DCAF4: variants seen among roughly 807,000 people sequenced by gnomAD.
DCAF4 encodes the protein DDB1 and CUL4 associated factor 4, also known as DDB1- and CUL4-associated factor 4.
DCAF4 carries 37 observed loss-of-function variants against 60.9 expected under a neutral mutation model. The observed-to-expected ratio is 0.61, with a 90% confidence interval of 0.47 to 0.80. The LOEUF (loss-of-function observed/expected upper bound fraction) is 0.80, where lower values mean the gene tolerates loss of function less well. DCAF4 is among the 30% of genes least tolerant of loss of function. The probability of loss-of-function intolerance (pLI) is 0.00; values close to 1 mark genes in which losing one functional copy is unlikely to be tolerated. For synonymous variants in DCAF4, 243 were observed against 254.8 expected (o/e 0.95, Z 0.44); for missense variants, 577 against 650.0 (o/e 0.89, Z 1.22).
Position 72,943,030 on chromosome 14 carries a change from G to A in DCAF4, c.468G>A (p.Arg156=), listed in dbSNP as rs1461335618. 6.2e-7 allele frequency: 1 copy of A among 1,614,150 alleles called. No individual in the cohort carries two copies. The highest frequency in any genetic ancestry group is 8.5e-7 in the Non-Finnish European group (1 of 1,180,018). ...AHELRLSCME[R]KKVQIRSMDP... is the part of the protein sequence containing the mutation. ...AGCTGCGTCTCAGCTGCATGGAGAG[G>A]AAAAAGGTCCAGATTCGAAGCATGG... The change falls in exon 6 of 14, where the codon AGG becomes AGA. Residue 156 remains arginine, a synonymous_variant. Coordinates refer to ENST00000358377, the MANE Select transcript of DCAF4 (RefSeq NM_015604.4).
rs1384901069 is a variant in DCAF4, at chr14:72,951,841, C to G, written c.772C>G (p.Leu258Val). Reference sequence around the variant, plus strand: ...CGCAGAGACTCCAGGCTGTGCCACCCTGCTCCCAGCATCACTGTTCGTCAA... The same window carrying G: ...CGCAGAGACTCCAGGCTGTGCCACCGTGCTCCCAGCATCACTGTTCGTCAA... ...GLAETPGCAT[L>V]LPASLFVNSH... Residue 258 changes from leucine to valine, a missense_variant, in exon 9 of 14, where the codon CTG (leucine) becomes GTG (valine). By Grantham distance (32) the Leu-to-Val change is conservative. Coordinates refer to ENST00000358377, the MANE Select transcript of DCAF4 (RefSeq NM_015604.4). 2 of 1,614,152 alleles carry G rather than the reference C, an allele frequency of 1.2e-6. No homozygotes were observed. The highest frequency in any genetic ancestry group is 1.1e-5 in the South Asian group (1 of 91,078).
intron 4 of DCAF4, 94 bp from the exon 5 acceptor site, chr14:72,941,651 C>A: frequency 5.0e-6 from 6 of 1,209,288 alleles, no homozygotes; most frequent in Non-Finnish European, 7.1e-6. Flanking sequence ...GTGCCTGTTT[C>A]CTTCATTACA....
At chr14:72,941,115 C>A (rs1889989007) in intron 4 of DCAF4, among the ~76,000 whole-genome samples, 2 of 152,078 alleles carry the variant, frequency 1.3e-5, no homozygotes, top group South Asian at 4.1e-4. Context: ...AGGAACCTGC[C>A]ACCATGCCCA....
At chr14:72,950,808 ATG>A (rs1180929313) in intron 8 of DCAF4, among the ~76,000 whole-genome samples, 3 of 66,622 alleles carry the variant, frequency 4.5e-5, no homozygotes, top group East Asian at 6.4e-4. Flanking sequence ...CCATTTCTGT[ATG>A]TTTTTTTTTA....
At chr14:72,927,142 A>G (rs1480531357) in intron 1 of DCAF4, among the ~76,000 whole-genome samples, 4 of 152,196 alleles carry the variant, frequency 2.6e-5, no homozygotes, top group Non-Finnish European at 5.9e-5. Context: ...AGTTAGCGAG[A>G]AAGCCACGCC....
chr14:72,950,595 C>G (rs530031887), intron 8 of DCAF4, among the ~76,000 whole-genome samples: 1 of 152,194 alleles, frequency 6.6e-6, no homozygotes, highest in Admixed American at 6.5e-5. Flanking sequence ...AGGAGAGGAA[C>G]CGCGTCAGTC....
At chr14:72,955,399 C>T (rs1892131383) in intron 11 of DCAF4, 124 bp from the exon 12 acceptor site, 2 of 1,145,286 alleles carry the variant, frequency 1.7e-6, no homozygotes, top group Non-Finnish European at 2.5e-6. Context: ...CCCTGACCAG[C>T]ACGTGTCTAA....
Position 72,945,395 on chromosome 14 carries a change from TA to T in DCAF4, c.535-480del, listed in dbSNP as rs374834364. ...GTGACAACAGTGAGACCCCACCTCT[TA>T]AAAAAAAATAGCCTACATTTGAATG... is the stretch of plus-strand genomic sequence containing the variant. On this transcript the variant is annotated intron_variant, in intron 6 of 13. Coordinates refer to ENST00000358377, the MANE Select transcript of DCAF4 (RefSeq NM_015604.4). 9.9e-3 allele frequency among the ~76,000 whole-genome samples: 1,495 copies of T among 150,256 alleles called. 21 individuals are homozygous for T. Among genetic ancestry groups the T allele is most frequent in the African/African-American group, 0.034 (1,400 of 40,966 alleles).
intron 2 of DCAF4, among the ~76,000 whole-genome samples, chr14:72,939,156 C>A (rs1176211338): frequency 6.6e-6 from 1 of 152,086 alleles, no homozygotes; most frequent in Non-Finnish European, 1.5e-5. Flanking sequence ...GAGTTTGAGA[C>A]CAGTCTGGCC....
At chr14:72,948,000 C>T (rs1890961156) in intron 8 of DCAF4, among the ~76,000 whole-genome samples, 2 of 152,150 alleles carry the variant, frequency 1.3e-5, no homozygotes, top group Admixed American at 6.5e-5. Context: ...GTTCTGGAAA[C>T]AATGTGACTA....
chr14:72,945,142 C>G (rs1890560596), intron 6 of DCAF4, among the ~76,000 whole-genome samples: 1 of 152,088 alleles, frequency 6.6e-6, no homozygotes, highest in African/African-American at 2.4e-5. Context: ...CCTGTAATCC[C>G]AGCACTTTGG....
intron 8 of DCAF4, 127 bp downstream of exon 8, chr14:72,947,318 C>T (rs1380603574): frequency 8.1e-6 from 9 of 1,108,298 alleles, no homozygotes; most frequent in Non-Finnish European, 1.2e-5. Flanking sequence ...ACTTACATCT[C>T]ACGCTTTAGA....
downstream of DCAF4, among the ~76,000 whole-genome samples, chr14:72,960,974 C>G (rs763649887): frequency 1.1e-4 from 17 of 151,566 alleles, no homozygotes; most frequent in Non-Finnish European, 2.1e-4. Flanking sequence ...GCAGTCTTGA[C>G]CTCCTTGGGC....
intron 1 of DCAF4, chr14:72,929,742 A>C: frequency 9.8e-7 from 1 of 1,023,290 alleles, no homozygotes; most frequent in Non-Finnish European, 1.5e-6. Flanking sequence ...CTCCTTGAAG[A>C]CCTTCAGTGA....
intron 13 of DCAF4, chr14:72,956,911 T>C: frequency 4.4e-6 from 1 of 226,282 alleles, no homozygotes; most frequent in South Asian, 5.7e-5. Context: ...GTTATGGTCA[T>C]TGTAAAGATT....
chr14:72,929,476 C>A (rs1242358008), intron 1 of DCAF4: 1 of 620,396 alleles, frequency 1.6e-6, no homozygotes, highest in Non-Finnish European at 2.8e-6. Flanking sequence ...GCAGGAGGAT[C>A]GCTGGAGGCC....
chr14:72,956,601 G>C, intron 13 of DCAF4, 101 bp downstream of exon 13: 1 of 1,147,818 alleles, frequency 8.7e-7, no homozygotes, highest in Non-Finnish European at 1.3e-6. Context: ...CCCCAAAACA[G>C]AACTGAATCA....
At chr14:72,942,789 T>C in intron 5 of DCAF4, 2 of 564,386 alleles carry the variant, frequency 3.5e-6, no homozygotes, top group Non-Finnish European at 6.3e-6. Flanking sequence ...CACCCACTTC[T>C]TCATTTTCAT....
downstream of DCAF4, chr14:72,961,936 AC>A: frequency 2.0e-5 from 23 of 1,144,932 alleles, no homozygotes; most frequent in Non-Finnish European, 2.5e-5. Context: ...CCGCGGGAAC[AC>A]CCCAGCTCTC....
Sources: gnomAD v4.1 joint callset for allele counts (sites outside exome capture counted in the v4.1 genomes callset) on GRCh38, gnomAD v4.1.1 for gene constraint, MANE v1.5 for transcripts, NCBI Gene and HGNC (gene_info 2026-07-23, HGNC 2026-07-21) for gene names.